Variants in SS18L1 observed in about 807,000 individuals in gnomAD.
SS18L1 encodes the protein calcium-responsive transactivator.
A neutral mutation model predicts 70.3 loss-of-function variants in SS18L1; 32 were observed. The observed-to-expected ratio is 0.46, with a 90% CI of 0.34 to 0.61. SS18L1 has a LOEUF of 0.61. SS18L1 is among the 20% of genes least tolerant of loss of function. The probability of loss-of-function intolerance (pLI) is 0.01; values close to 1 mark genes in which losing one functional copy is unlikely to be tolerated. For synonymous variants in SS18L1, 237 were observed against 229.7 expected (o/e 1.03, Z -0.29); for missense variants, 430 against 542.1 (o/e 0.79, Z 2.05).
At chr20:62,151,977 G>GCTCCCCA (rs2057141087) in intron 1 of SS18L1, among the ~76,000 whole-genome samples, 2 of 138,636 alleles carry the variant, frequency 1.4e-5, no homozygotes, top group East Asian at 2.1e-4. Flanking sequence ...CTCTTTTCCC[G>GCTCCCCA]GTCCCCAGGG....
At position 62,179,934 on chromosome 20, in the gene SS18L1, G is replaced by A. The variant is rs2057683404; in HGVS notation, c.*726G>A. The A allele has an allele frequency of 4.5e-6, 1 of 222,324 alleles. No homozygotes were observed. Among genetic ancestry groups the A allele is most frequent in the South Asian group, 1.8e-4 (1 of 5,442 alleles). The allele number at this position is 222,324 out of a possible 1,614,324, so 13.8% of individuals were successfully genotyped here. On this transcript the variant is annotated 3_prime_UTR_variant, in exon 11 of 11. Transcript: ENST00000331758. Reference sequence around the variant, plus strand: ...TTCCAAATAAATATGAATCCCTAAGGGCCGTGGACAAATTGCCTAACCCAG... The same window carrying A: ...TTCCAAATAAATATGAATCCCTAAGAGCCGTGGACAAATTGCCTAACCCAG...
At chr20:62,162,502 C>G in intron 4 of SS18L1, 1 of 426,184 alleles carries the variant, frequency 2.3e-6, no homozygotes, top group Non-Finnish European at 4.2e-6. Context: ...CGGGGTTTCA[C>G]CATGTTGTCC....
Position 62,158,572 on chromosome 20 carries a change from G to T in SS18L1, c.70-100G>T. 1.3e-6 allele frequency: 2 copies of T among 1,514,840 alleles called. No individual in the cohort carries two copies. The highest frequency in any genetic ancestry group is 1.8e-6 in the Non-Finnish European group (2 of 1,126,604). 93.8% of individuals were successfully genotyped at this position (1,514,840 alleles called of 1,614,324 possible). The stretch of plus-strand genomic sequence containing the variant: ...ATCTGACACGTTTCACGTAAGGGAC[G>T]CTCAACCTATATGAAAACTAGATGT... On this transcript the variant is annotated intron_variant, in intron 1 of 10. Coordinates refer to ENST00000331758, the MANE Select transcript of SS18L1 (RefSeq NM_198935.3). The surrounding 1 kb of genome is among the most constrained non-coding windows in gnomAD (Gnocchi z 4.5).
At chr20:62,172,175 A>C (rs1333823338) in intron 8 of SS18L1, among the ~76,000 whole-genome samples, 2 of 151,876 alleles carry the variant, frequency 1.3e-5, no homozygotes, top group African/African-American at 4.8e-5. Flanking sequence ...AAAAAAAAAA[A>C]AAATTATCTG....
chr20:62,175,133 G>A (rs2057599144), intron 10 of SS18L1: 2 of 808,772 alleles, frequency 2.5e-6, no homozygotes, highest in Non-Finnish European at 1.5e-6. Context: ...ATTCCAGGAC[G>A]AAGACACAGC....
chr20:62,160,907 A>C (rs1419294995), intron 3 of SS18L1, among the ~76,000 whole-genome samples: 2 of 151,290 alleles, frequency 1.3e-5, no homozygotes, highest in African/African-American at 2.4e-5. Flanking sequence ...GATCTGGGAG[A>C]GTGCTGAGGG....
intron 10 of SS18L1, among the ~76,000 whole-genome samples, chr20:62,178,159 T>C (rs201211954): frequency 0.086 from 12,403 of 144,146 alleles, 797 homozygotes; most frequent in South Asian, 0.21. Context: ...TTTTTTTTTT[T>C]TTTTTGAGAC....
chr20:62,178,970 G>C (rs1290081837), intron 10 of SS18L1, among the ~76,000 whole-genome samples: 1 of 152,226 alleles, frequency 6.6e-6, no homozygotes, highest in Non-Finnish European at 1.5e-5. Flanking sequence ...GCCAGTGTGT[G>C]ACTGAACAAA....
At position 62,161,461 on chromosome 20, in the gene SS18L1, G is replaced by C; in HGVS notation, c.257G>C (p.Gly86Ala). The C allele has an allele frequency of 2.5e-6, 4 of 1,612,814 alleles. No individual in the cohort carries two copies. The highest frequency in any genetic ancestry group is 3.4e-6 in the Non-Finnish European group (4 of 1,180,000). Residue 86 changes from glycine to alanine, a missense_variant, in exon 4 of 11, where the codon GGC becomes GCC. Coordinates refer to ENST00000331758, the MANE Select transcript of SS18L1 (RefSeq NM_198935.3). The surrounding 1 kb of genome is among the most constrained non-coding windows in gnomAD (Gnocchi z 4.4). ...PAPPTQNMNL[G>A]PGALTQSGSS... is the part of the protein sequence containing the mutation. ...CCGCCCACGCAGAACATGAACCTGG[G>C]CCCTGGAGCCCTGACTCAGAGCGGC...
intron 8 of SS18L1, 47 bp downstream of exon 8, chr20:62,165,561 C>T (rs1202428861): frequency 6.4e-7 from 1 of 1,560,546 alleles, no homozygotes; most frequent in Non-Finnish European, 8.7e-7. Flanking sequence ...GCGCCACACG[C>T]AGCAGAGTTA....
In SS18L1 at chr20:62,164,241, C is replaced by T; in HGVS notation, c.818C>T (p.Pro273Leu). The change falls in exon 7 of 11, where the codon CCC (proline) becomes CTC (leucine). Residue 273 changes from proline (P) to leucine (L), a missense_variant. Pro to Leu is a moderately conservative substitution (Grantham distance 98). Coordinates refer to ENST00000331758, the MANE Select transcript of SS18L1 (RefSeq NM_198935.3). ...GAGCCCATGGGCCAGCAGTACTACC[C>T]CGACGGTGAGCACTGGCGGCGGCCT... The part of the protein sequence containing the change: ...AAEPMGQQYY[P>L]DGHGDYAYQQ... 1 of 1,547,808 alleles carries T rather than the reference C, an allele frequency of 6.5e-7. No individual in the cohort carries two copies. Among genetic ancestry groups the T allele is most frequent in the Non-Finnish European group, 8.7e-7 (1 of 1,145,670 alleles).
chr20:62,160,052 CA>C, intron 3 of SS18L1, 91 bp downstream of exon 3: 1 of 1,342,544 alleles, frequency 7.4e-7, no homozygotes, highest in South Asian at 1.3e-5. Flanking sequence ...TCTCAGGTAG[CA>C]AAGATGACTC....
chr20:62,161,416 A>T lies in SS18L1; in HGVS notation c.232-20A>T. On this transcript the variant is annotated intron_variant, in intron 3 of 10. Coordinates refer to ENST00000331758, the MANE Select transcript of SS18L1 (RefSeq NM_198935.3). The surrounding 1 kb of genome is among the most constrained non-coding windows in gnomAD (Gnocchi z 4.4). ...CCGTAAATTAACCGTTTTTCCCTGA[A>T]AACTTCCTGTTGCCTGCAGCCGCCC... 1 of 1,612,486 alleles carries T rather than the reference A, an allele frequency of 6.2e-7. No homozygotes were observed. The highest frequency in any genetic ancestry group is 1.1e-5 in the South Asian group (1 of 91,032).
At chr20:62,145,976 A>G (rs911278835) in intron 1 of SS18L1, among the ~76,000 whole-genome samples, 1 of 148,790 alleles carries the variant, frequency 6.7e-6, no homozygotes, top group African/African-American at 2.6e-5. Context: ...GAAGTCTACA[A>G]CTTGTCCTTA....
chr20:62,172,178 A>AT (rs2057543547), intron 8 of SS18L1, among the ~76,000 whole-genome samples: 1 of 151,508 alleles, frequency 6.6e-6, no homozygotes, highest in South Asian at 2.1e-4. Context: ...AAAAAAAAAA[A>AT]TTATCTGGGC....
At chr20:62,153,016 A>G (rs1218267916) in intron 1 of SS18L1, among the ~76,000 whole-genome samples, 1 of 152,128 alleles carries the variant, frequency 6.6e-6, no homozygotes, top group Non-Finnish European at 1.5e-5. Context: ...AGATGGGGTA[A>G]TTTATAAAGG....
At chr20:62,155,310 G>A (rs774953893) in intron 1 of SS18L1, among the ~76,000 whole-genome samples, 6 of 152,170 alleles carry the variant, frequency 3.9e-5, no homozygotes, top group Non-Finnish European at 7.3e-5. Flanking sequence ...CTACTCGGGC[G>A]GTTGAGGTAG....
intron 8 of SS18L1, among the ~76,000 whole-genome samples, chr20:62,171,643 C>T (rs1341942273): frequency 6.6e-6 from 1 of 152,192 alleles, no homozygotes; most frequent in Non-Finnish European, 1.5e-5. Flanking sequence ...AAAAAAAATA[C>T]TAGATTGCAG....
chr20:62,165,868 C>G (rs2057420317), intron 8 of SS18L1, among the ~76,000 whole-genome samples: 1 of 151,870 alleles, frequency 6.6e-6, no homozygotes. Flanking sequence ...TGGGTCTGGC[C>G]AGGGATCGTG....
Sources: allele counts gnomAD v4.1 joint callset (sites outside exome capture counted in the v4.1 genomes callset), GRCh38; gene constraint gnomAD v4.1.1; non-coding constraint Gnocchi (gnomAD v3.1); transcripts MANE v1.5; gene names NCBI Gene and HGNC (gene_info 2026-07-23, HGNC 2026-07-21).